Variants in STAG1 observed in about 807,000 individuals in gnomAD.
STAG1 encodes STAG1 cohesin complex component.
STAG1 carries 26 observed loss-of-function variants against 170.9 expected under a neutral mutation model. That is an observed-to-expected ratio of 0.15 (90% CI 0.11 to 0.21). The LOEUF (loss-of-function observed/expected upper bound fraction) is 0.21, where lower values mean the gene tolerates loss of function less well. Ranked by LOEUF, STAG1 falls within the 10% of genes least tolerant of loss-of-function variation. STAG1 has a pLI of 1.00. For synonymous variants in STAG1, 514 were observed against 497.7 expected, an observed-to-expected ratio of 1.03 and a Z score of -0.44; for missense variants, 964 against 1,509.5, an observed-to-expected ratio of 0.64 and a Z score of 5.99.
intron 20 of STAG1, 35 bp from the exon 21 acceptor site, chr3:136,418,007 G>C (rs752436215): frequency 6.7e-7 from 1 of 1,491,680 alleles, no homozygotes; most frequent in Non-Finnish European, 9.3e-7. Flanking sequence ...TTTTATTCTA[G>C]AATGGAAGGA....
At chr3:136,623,010 A>G (rs1006224135) in intron 3 of STAG1, 136 bp downstream of exon 3, 1 of 677,530 alleles carries the variant, frequency 1.5e-6, no homozygotes, top group Admixed American at 2.8e-5. Context: ...TTTATGTGAA[A>G]AAAAGTTTCC....
At chr3:136,413,778 A>G (rs1446553809) in intron 21 of STAG1, among the ~76,000 whole-genome samples, 1 of 152,084 alleles carries the variant, frequency 6.6e-6, no homozygotes, top group East Asian at 1.9e-4. Flanking sequence ...ATATTCTAAA[A>G]CTACTATGGT....
chr3:136,621,772 A>G (rs2107829257), intron 3 of STAG1, among the ~76,000 whole-genome samples: 1 of 152,212 alleles, frequency 6.6e-6, no homozygotes, highest in East Asian at 1.9e-4. Context: ...TCAAAAAACC[A>G]GTCTTGTTGT....
intron 4 of STAG1, chr3:136,587,013 T>C (rs1186548879): frequency 1.5e-5 from 6 of 391,108 alleles, no homozygotes; most frequent in South Asian, 7.7e-5. Flanking sequence ...AACTCTGGTA[T>C]TGGATGGTTA....
chr3:136,623,836 T>A (rs950497729), intron 2 of STAG1, among the ~76,000 whole-genome samples: 2 of 151,814 alleles, frequency 1.3e-5, no homozygotes, highest in African/African-American at 2.4e-5. Context: ...ATGCCTGTAA[T>A]CCCATCTACT....
At chr3:136,437,068 C>G (rs1403462707) in intron 15 of STAG1, among the ~76,000 whole-genome samples, 2 of 152,142 alleles carry the variant, frequency 1.3e-5, no homozygotes, top group African/African-American at 4.8e-5. Flanking sequence ...AAAGGAAGTA[C>G]AAGGCTGCCC....
rs139079414 is a variant in STAG1 at position 136,450,401 on chromosome 3, A to T, written c.1428+1632T>A. Among the ~76,000 whole-genome samples, 26 of 152,118 alleles carry T rather than the reference A, an allele frequency of 1.7e-4. No individual in the cohort carries two copies. In the East Asian group the frequency reaches 5.0e-3, roughly 29 times the overall value. On this transcript the variant is annotated intron_variant, in intron 14 of 33. Coordinates refer to ENST00000383202, the MANE Select transcript of STAG1 (RefSeq NM_005862.3). ...TAAACACATTCTTTACTCAAATTCA[A>T]CTCTCTAGCTAGTTTTGTTTCTGAC...
intron 5 of STAG1, among the ~76,000 whole-genome samples, chr3:136,553,013 C>T (rs978998716): frequency 6.6e-6 from 1 of 151,980 alleles, no homozygotes; most frequent in African/African-American, 2.4e-5. Flanking sequence ...AACAAGACCA[C>T]AGAAACAGGC....
At chr3:136,588,298 T>C (rs1319448413) in intron 4 of STAG1, among the ~76,000 whole-genome samples, 1 of 152,116 alleles carries the variant, frequency 6.6e-6, no homozygotes, top group Non-Finnish European at 1.5e-5. Flanking sequence ...ACTGCTATAT[T>C]TGACTGGTTT....
chr3:136,403,846 T>C (rs906928164), intron 21 of STAG1, among the ~76,000 whole-genome samples: 3 of 152,232 alleles, frequency 2.0e-5, no homozygotes, highest in East Asian at 1.9e-4. Context: ...GTTTCAAATA[T>C]AGAATTTCCA....
At chr3:136,539,253 C>T (rs1044584807) in intron 6 of STAG1, among the ~76,000 whole-genome samples, 2 of 152,046 alleles carry the variant, frequency 1.3e-5, no homozygotes, top group Admixed American at 1.3e-4. Context: ...TTCCTTTTCT[C>T]AGTTTGTATA....
chr3:136,699,601 A>C (rs1382930548), intron 1 of STAG1, among the ~76,000 whole-genome samples: 2 of 151,714 alleles, frequency 1.3e-5, no homozygotes, highest in Admixed American at 1.3e-4. Context: ...CTGGATTACC[A>C]GGGTGAGACA....
intron 1 of STAG1, among the ~76,000 whole-genome samples, chr3:136,748,991 A>C (rs927343079): frequency 2.6e-5 from 4 of 152,170 alleles, no homozygotes; most frequent in Admixed American, 6.5e-5. Context: ...CTCTCCTTGT[A>C]TGTCCGGAAT....
chr3:136,522,984 T>C (rs1196978375), intron 6 of STAG1, among the ~76,000 whole-genome samples: 2 of 152,172 alleles, frequency 1.3e-5, no homozygotes, highest in African/African-American at 4.8e-5. Context: ...GACATGTGGG[T>C]TGGTTCTAAG....
chr3:136,727,639 AG>A (rs1459261093), intron 1 of STAG1, among the ~76,000 whole-genome samples: 1 of 152,202 alleles, frequency 6.6e-6, no homozygotes, highest in Non-Finnish European at 1.5e-5. Context: ...TTGGGTCTCT[AG>A]GAACACAACA....
intron 1 of STAG1, among the ~76,000 whole-genome samples, chr3:136,680,004 G>C (rs1942280709): frequency 1.3e-5 from 2 of 152,246 alleles, no homozygotes; most frequent in South Asian, 4.1e-4. Context: ...CATAAATGTG[G>C]GAATGGCTAA....
At chr3:136,471,890 T>C (rs541081869) in intron 12 of STAG1, among the ~76,000 whole-genome samples, 1 of 152,320 alleles carries the variant, frequency 6.6e-6, no homozygotes, top group African/African-American at 2.4e-5. Context: ...TATGCTGGAA[T>C]GCAGTGGCTC....
chr3:136,688,805 G>T (rs1024717949), intron 1 of STAG1, among the ~76,000 whole-genome samples: 2 of 152,192 alleles, frequency 1.3e-5, no homozygotes, highest in African/African-American at 2.4e-5. Context: ...AAAACAGCCT[G>T]TGATTGTTTT....
chr3:136,502,257 T>C (rs539685514), intron 8 of STAG1, among the ~76,000 whole-genome samples: 6 of 151,860 alleles, frequency 4.0e-5, no homozygotes, highest in Non-Finnish European at 7.4e-5. Flanking sequence ...ATCTTATTCA[T>C]AGGAGTGCCT....
Sources: allele counts gnomAD v4.1 joint callset (sites outside exome capture counted in the v4.1 genomes callset), GRCh38; gene constraint gnomAD v4.1.1; transcripts MANE v1.5; gene names NCBI Gene and HGNC (gene_info 2026-07-23, HGNC 2026-07-21).